The following WWOX variants were observed in gnomAD, a reference collection of about 807,000 sequenced individuals.
WWOX encodes the protein WW domain-containing oxidoreductase.
Under a neutral mutation model 46.2 loss-of-function variants are expected in WWOX, and 69 were observed. The observed-to-expected ratio is 1.49, with a 90% confidence interval of 1.23 to 1.82. The LOEUF is 1.82. Ranked by LOEUF, WWOX falls within the 40% of genes most tolerant of loss-of-function variation. The pLI, the probability that WWOX is intolerant of heterozygous loss-of-function variation, is 0.00. For missense variants in WWOX, 919 were observed against 542.6 expected (o/e 1.69, Z -6.89); for synonymous variants, 359 against 202.6 (o/e 1.77, Z -6.56).
chr16:78,457,186 A>G (rs2083840517), intron 8 of WWOX, among the ~76,000 whole-genome samples: 1 of 152,212 alleles, frequency 6.6e-6, no homozygotes, highest in African/African-American at 2.4e-5. Flanking sequence ...GTCTTCATTA[A>G]TAGACCTTTC....
At chr16:79,161,303 A>C (rs2050481956) in intron 8 of WWOX, among the ~76,000 whole-genome samples, 1 of 152,034 alleles carries the variant, frequency 6.6e-6, no homozygotes, top group Admixed American at 6.6e-5. Context: ...CTCACCTCCT[A>C]AGCCTCAGCT....
intron 8 of WWOX, among the ~76,000 whole-genome samples, chr16:78,823,844 T>C (rs1010786070): frequency 6.6e-6 from 1 of 151,800 alleles, no homozygotes. Context: ...GGTATGATCA[T>C]AGCTCACTAC....
At chr16:79,199,035 C>G (rs983078462) in intron 8 of WWOX, among the ~76,000 whole-genome samples, 1 of 152,084 alleles carries the variant, frequency 6.6e-6, no homozygotes, top group African/African-American at 2.4e-5. Flanking sequence ...AAAACTTTGC[C>G]TCTTTGGGCT....
chr16:78,914,820 A>C (rs1006955144), intron 8 of WWOX, among the ~76,000 whole-genome samples: 2 of 145,028 alleles, frequency 1.4e-5, no homozygotes, highest in South Asian at 2.3e-4. Flanking sequence ...CGGAGCTTGC[A>C]GTGAGCCAGG....
At chr16:78,494,057 C>T (rs942552663) in intron 8 of WWOX, among the ~76,000 whole-genome samples, 4 of 151,248 alleles carry the variant, frequency 2.6e-5, no homozygotes, top group African/African-American at 9.9e-5. Context: ...GCTTCTGCCT[C>T]TCGGGAGGCC....
chr16:78,933,036 C>G (rs986848743), intron 8 of WWOX, among the ~76,000 whole-genome samples: 8 of 152,196 alleles, frequency 5.3e-5, no homozygotes, highest in Non-Finnish European at 7.4e-5. Context: ...TTAAGAGTTT[C>G]TATGAGACAG....
chr16:78,380,909 A>G (rs1372776052), intron 5 of WWOX, among the ~76,000 whole-genome samples: 1 of 152,250 alleles, frequency 6.6e-6, no homozygotes, highest in Non-Finnish European at 1.5e-5. Flanking sequence ...TAATGATAAT[A>G]GCATATATTG....
intron 5 of WWOX, among the ~76,000 whole-genome samples, chr16:78,199,497 A>G (rs1377112515): frequency 6.6e-6 from 1 of 152,098 alleles, no homozygotes; most frequent in East Asian, 1.9e-4. Flanking sequence ...TGCTCTGCGG[A>G]TCCGGCATCA....
intron 1 of WWOX, among the ~76,000 whole-genome samples, chr16:78,100,781 G>T (rs34554575): frequency 0.35 from 53,087 of 152,080 alleles, 10,108 homozygotes; most frequent in East Asian, 0.49. Context: ...CTTAACTGTC[G>T]TTCCTTGATT....
chr16:79,171,461 G>A (rs79490170), intron 8 of WWOX, among the ~76,000 whole-genome samples: 1 of 152,098 alleles, frequency 6.6e-6, no homozygotes, highest in Non-Finnish European at 1.5e-5. Flanking sequence ...GAAGTTTTTT[G>A]TCGGTGTCAT....
chr16:78,487,941 T>G (rs867657419), intron 8 of WWOX, among the ~76,000 whole-genome samples: 1 of 152,190 alleles, frequency 6.6e-6, no homozygotes. Flanking sequence ...AAGCAGTATT[T>G]CTACCCTAGG....
chr16:79,164,887 C>A (rs546819773), intron 8 of WWOX, among the ~76,000 whole-genome samples: 1 of 152,084 alleles, frequency 6.6e-6, no homozygotes, highest in Non-Finnish European at 1.5e-5. Flanking sequence ...AAACACAAAC[C>A]AGGCAAACCC....
chr16:78,374,288 T>C (rs1280662725), intron 5 of WWOX, among the ~76,000 whole-genome samples: 1 of 152,158 alleles, frequency 6.6e-6, no homozygotes, highest in East Asian at 1.9e-4. Flanking sequence ...ATCAAGTTAT[T>C]TAATGTCTAT....
chr16:78,979,868 T>A (rs1010283488), intron 8 of WWOX, among the ~76,000 whole-genome samples: 9 of 152,068 alleles, frequency 5.9e-5, no homozygotes, highest in Non-Finnish European at 8.8e-5. Flanking sequence ...GTGGCTCACG[T>A]CTATAATCCC....
At chr16:78,350,033 A>T (rs1258848681) in intron 5 of WWOX, among the ~76,000 whole-genome samples, 1 of 121,268 alleles carries the variant, frequency 8.2e-6, no homozygotes, top group Non-Finnish European at 2.0e-5. Flanking sequence ...ATTCTCTAGT[A>T]GCCTGCTTTT....
intron 8 of WWOX, among the ~76,000 whole-genome samples, chr16:79,081,663 C>T (rs867140873): frequency 2.6e-5 from 4 of 152,152 alleles, no homozygotes; most frequent in African/African-American, 9.7e-5. Context: ...AGACCCGTAT[C>T]AATGGATTGA....
At chr16:78,362,455 C>T (rs1011123855) in intron 5 of WWOX, among the ~76,000 whole-genome samples, 4 of 152,020 alleles carry the variant, frequency 2.6e-5, no homozygotes, top group Non-Finnish European at 5.9e-5. Context: ...ATTAAAAATA[C>T]AAAAATTAAC....
Position 78,203,265 on chromosome 16 carries a change from A to G in WWOX, c.516+38976A>G, listed in dbSNP as rs370838211. Among the ~76,000 whole-genome samples the G allele has an allele frequency of 1.2e-4, 19 of 152,202 alleles. No homozygotes were observed. The East Asian group carries it at 2.7e-3, about 22-fold the overall frequency. On this transcript the variant is annotated intron_variant, in intron 5 of 8. Coordinates refer to ENST00000566780, the MANE Select transcript of WWOX (RefSeq NM_016373.4). ...CCCACCTTTGCCTGCCCATCCTGCA[A>G]TGGTTTGGGGGGCCCCAAGTAGATG...
intron 8 of WWOX, among the ~76,000 whole-genome samples, chr16:78,788,784 C>CTGGGGG: frequency 6.6e-6 from 1 of 152,330 alleles, no homozygotes; most frequent in African/African-American, 2.4e-5. Flanking sequence ...ATTCTGAAGT[C>CTGGGGG]TCTGACTTGC....
Sources: allele counts gnomAD v4.1 joint callset (sites outside exome capture counted in the v4.1 genomes callset), GRCh38; gene constraint gnomAD v4.1.1; transcripts MANE v1.5; gene names NCBI Gene and HGNC (gene_info 2026-07-23, HGNC 2026-07-21).